SYT1: variants seen among roughly 807,000 people sequenced by gnomAD.
SYT1 encodes synaptotagmin 1, also known as synaptotagmin-1.
SYT1 carries 8 observed loss-of-function variants against 44.8 expected under a neutral mutation model. The ratio of observed to expected loss-of-function variants is 0.18; its 90% confidence interval spans 0.10 to 0.32. The LOEUF is 0.32. SYT1 is among the 10% of genes least tolerant of loss of function. The pLI is 1.00. For synonymous variants in SYT1, 154 were observed against 188.8 expected, an observed-to-expected ratio of 0.82 and a Z score of 1.51; for missense variants, 286 against 509.3, an observed-to-expected ratio of 0.56 and a Z score of 4.22.
intron 8 of SYT1, among the ~76,000 whole-genome samples, chr12:79,316,686 T>C (rs907030744): frequency 1.3e-4 from 20 of 152,222 alleles, no homozygotes; most frequent in African/African-American, 4.8e-4. Flanking sequence ...ATGTTGTCTA[T>C]CGTCCACCGT....
intron 3 of SYT1, among the ~76,000 whole-genome samples, chr12:79,160,625 G>A (rs1870890631): frequency 6.6e-6 from 1 of 152,048 alleles, no homozygotes; most frequent in Non-Finnish European, 1.5e-5. Context: ...TTGGAGAAGA[G>A]TAAAAATTTC....
intron 3 of SYT1, among the ~76,000 whole-genome samples, chr12:79,216,988 C>A (rs917562350): frequency 8.5e-5 from 13 of 152,050 alleles, no homozygotes; most frequent in African/African-American, 3.1e-4. Context: ...ATATTCATAA[C>A]ATCTTAGAGT....
At chr12:78,917,980 C>CT (rs1165180909) in intron 1 of SYT1, among the ~76,000 whole-genome samples, 1 of 152,038 alleles carries the variant, frequency 6.6e-6, no homozygotes, top group African/African-American at 2.4e-5. Context: ...AATAATTTAG[C>CT]TCAGAAATGT....
intron 3 of SYT1, among the ~76,000 whole-genome samples, chr12:79,148,424 T>G (rs563771565): frequency 1.3e-5 from 2 of 152,286 alleles, no homozygotes; most frequent in Non-Finnish European, 2.9e-5. Flanking sequence ...TATCTGGTCT[T>G]GAAATTGACA....
intron 1 of SYT1, among the ~76,000 whole-genome samples, chr12:78,944,033 A>G (rs977254862): frequency 1.3e-5 from 2 of 152,142 alleles, no homozygotes; most frequent in African/African-American, 2.4e-5. Flanking sequence ...TGCAATTTAT[A>G]TCTTTCAGAA....
chr12:79,126,424 C>T (rs951254070), intron 3 of SYT1, among the ~76,000 whole-genome samples: 15 of 152,118 alleles, frequency 9.9e-5, no homozygotes, highest in South Asian at 2.1e-4. Flanking sequence ...CCACACCTAG[C>T]TAATTTTTGT....
intron 9 of SYT1, among the ~76,000 whole-genome samples, chr12:79,395,007 A>G (rs1446581462): frequency 6.6e-6 from 1 of 152,206 alleles, no homozygotes; most frequent in Non-Finnish European, 1.5e-5. Flanking sequence ...ATTATCTTAT[A>G]TTATTTTTTA....
intron 1 of SYT1, among the ~76,000 whole-genome samples, chr12:78,946,566 A>G (rs1775852960): frequency 6.6e-6 from 1 of 152,038 alleles, no homozygotes; most frequent in African/African-American, 2.4e-5. Flanking sequence ...GAGGCAGGAT[A>G]ATCATTTGAA....
chr12:79,129,607 A>G (rs951917297), intron 3 of SYT1, among the ~76,000 whole-genome samples: 21 of 152,204 alleles, frequency 1.4e-4, no homozygotes, highest in South Asian at 2.1e-4. Context: ...CTAATTCACC[A>G]TATTTGAGTA....
chr12:78,986,519 T>G (rs1041449844), intron 2 of SYT1, among the ~76,000 whole-genome samples: 2 of 151,936 alleles, frequency 1.3e-5, no homozygotes, highest in African/African-American at 4.8e-5. Flanking sequence ...AATAAATATA[T>G]TTATTAATTA....
chr12:79,424,942 T>C (rs1469179901), intron 9 of SYT1, among the ~76,000 whole-genome samples: 1 of 146,584 alleles, frequency 6.8e-6, no homozygotes, highest in African/African-American at 2.5e-5. Flanking sequence ...TTGCTTTTGA[T>C]TTTTCTTCTT....
intron 3 of SYT1, among the ~76,000 whole-genome samples, chr12:79,187,854 A>G (rs1872891676): frequency 6.6e-6 from 1 of 152,108 alleles, no homozygotes; most frequent in Admixed American, 6.6e-5. Context: ...GCCTACCACA[A>G]TGCCCCTGTT....
chr12:79,059,142 A>C (rs1875184207), intron 3 of SYT1, among the ~76,000 whole-genome samples: 1 of 151,998 alleles, frequency 6.6e-6, no homozygotes, highest in Admixed American at 6.6e-5. Flanking sequence ...ACTCCTTTTT[A>C]TAAAACCATC....
intron 2 of SYT1, among the ~76,000 whole-genome samples, chr12:78,993,108 T>C (rs1363711014): frequency 6.6e-6 from 1 of 152,194 alleles, no homozygotes; most frequent in Non-Finnish European, 1.5e-5. Context: ...TGGCTTTATA[T>C]CTAATTACTT....
intron 5 of SYT1, among the ~76,000 whole-genome samples, chr12:79,291,135 T>C (rs1879560950): frequency 6.6e-6 from 1 of 152,238 alleles, no homozygotes; most frequent in Admixed American, 6.5e-5. Flanking sequence ...ATGAAACTTA[T>C]GAGTTAGTGA....
chr12:79,276,965 G>T (rs1472663004), intron 4 of SYT1, among the ~76,000 whole-genome samples: 1 of 138,698 alleles, frequency 7.2e-6, no homozygotes, highest in African/African-American at 2.5e-5. Flanking sequence ...GGAGGAGGAG[G>T]AGGAGGAAGA....
At position 78,881,192 on chromosome 12, in the gene SYT1, T is replaced by C. The variant is rs1874434128; in HGVS notation, c.-217+16083T>C. ...TTTGCTTGGCTCGTCACAGTACTTG[T>C]CACCCCCAAATACTTCCCTCCTGTC... On this transcript the variant is annotated intron_variant, in intron 1 of 10. Coordinates refer to ENST00000261205, the MANE Select transcript of SYT1 (RefSeq NM_005639.3). Among the ~76,000 whole-genome samples, 7 of 151,734 alleles carry C rather than the reference T, an allele frequency of 4.6e-5. No homozygotes were observed. The South Asian group carries it at 1.4e-3, about 31-fold the overall frequency.
At chr12:79,257,723 G>T (rs962075549) in intron 4 of SYT1, among the ~76,000 whole-genome samples, 2 of 152,174 alleles carry the variant, frequency 1.3e-5, no homozygotes, top group Non-Finnish European at 2.9e-5. Flanking sequence ...TCTTGACCTG[G>T]TGATCCGCTC....
intron 2 of SYT1, among the ~76,000 whole-genome samples, chr12:79,038,946 G>A (rs947964887): frequency 1.3e-5 from 2 of 151,952 alleles, no homozygotes; most frequent in African/African-American, 2.4e-5. Flanking sequence ...ATTCTTGAAA[G>A]TAAGTTATCT....
Sources: gnomAD v4.1 joint callset for allele counts (sites outside exome capture counted in the v4.1 genomes callset) on GRCh38, gnomAD v4.1.1 for gene constraint, MANE v1.5 for transcripts, NCBI Gene and HGNC (gene_info 2026-07-23, HGNC 2026-07-21) for gene names.